Variants in EXOC7 observed in about 807,000 individuals in gnomAD.
The protein encoded by EXOC7 is exocyst complex component 7, also known as exocyst complex component Exo70.
Under a neutral mutation model 87.6 loss-of-function variants are expected in EXOC7, and 51 were observed. The observed-to-expected ratio is 0.58, with a 90% confidence interval of 0.46 to 0.73. The LOEUF is 0.73. EXOC7 is among the 30% of genes least tolerant of loss of function. The pLI is 0.00. For synonymous variants in EXOC7, 327 were observed against 357.1 expected (o/e 0.92, Z 0.95); for missense variants, 744 against 888.4 (o/e 0.84, Z 2.07).
rs776041658 is a variant in EXOC7, at chr17:76,081,877, C to T, written c.*1771G>A. The T allele has an allele frequency of 6.2e-7, 1 of 1,608,654 alleles. No individual in the cohort carries two copies. The highest frequency in any genetic ancestry group is 8.5e-7 in the Non-Finnish European group (1 of 1,176,314). On this transcript the variant is annotated 3_prime_UTR_variant, in exon 19 of 19. Coordinates refer to ENST00000589210, the MANE Select transcript of EXOC7 (RefSeq NM_001013839.4). ...GAGCATCTCCCTGTGCCCTGCCTCC[C>T]CCAGTTTACTACTTCACCATCCTGC...
chr17:76,101,019 TAA>T (rs2068033122), intron 4 of EXOC7: 2 of 531,654 alleles, frequency 3.8e-6, no homozygotes, highest in Non-Finnish European at 5.0e-6. Flanking sequence ...AATCAAATGT[TAA>T]GTTTATATTT....
rs1458869700 is a variant in EXOC7 at position 76,088,905 on chromosome 17, T to G, written c.1066A>C (p.Met356Leu). 6.2e-7 allele frequency: 1 copy of G among 1,613,084 alleles called. No individual in the cohort carries two copies. ...SLIQDALDGL[M>L]LEGENIVSAA... ...GACACGATGTTCTCCCCTTCAAGCATCAGCCCATCCAGGGCATCCTGAGGG... is the reference window on the plus strand; with the variant it reads ...GACACGATGTTCTCCCCTTCAAGCAGCAGCCCATCCAGGGCATCCTGAGGG... The change falls in exon 9 of 19, where the codon ATG becomes CTG. Residue 356 changes from methionine (M) to leucine (L), a missense_variant. Physicochemically the swap from Met to Leu is conservative, Grantham distance 15. Around this residue, in one of 3 missense-constraint regions of EXOC7, gnomAD observed 512 missense variants for 573.0 expected, o/e 0.89. Coordinates refer to ENST00000589210, the MANE Select transcript of EXOC7 (RefSeq NM_001013839.4).
In EXOC7 at chr17:76,103,740, G is replaced by A. The variant is rs1391390036; in HGVS notation, c.-48C>T. 2 of 1,544,574 alleles carry A rather than the reference G, an allele frequency of 1.3e-6. No homozygotes were observed. Among genetic ancestry groups the A allele is most frequent in the African/African-American group, 1.4e-5 (1 of 72,766 alleles). On this transcript the variant is annotated 5_prime_UTR_variant, in exon 1 of 19. Transcript: ENST00000589210. ...ACTCCCCAGTATCTTTCCTCCGCGGGCCCACCGGGCCCCCGTCCCCGTCAC... is the reference window on the plus strand; with the variant it reads ...ACTCCCCAGTATCTTTCCTCCGCGGACCCACCGGGCCCCCGTCCCCGTCAC...
rs2066950500 is a variant in EXOC7, at chr17:76,081,088, C to G, written c.*2560G>C. On this transcript the variant is annotated 3_prime_UTR_variant, in exon 19 of 19. Coordinates refer to ENST00000589210, the MANE Select transcript of EXOC7 (RefSeq NM_001013839.4). ...GAATCTGATAAAGGCCTTCCTTCAA[C>G]TGGAGACAATTTGGGATGTTGCAAA... 1.5e-6 allele frequency: 1 copy of G among 668,378 alleles called. No homozygotes were observed. 41.4% of individuals were successfully genotyped at this position (668,378 alleles called of 1,614,324 possible).
At chr17:76,084,650 C>A (rs1324361653) in intron 15 of EXOC7, 70 bp from the exon 16 acceptor site, 3 of 1,425,930 alleles carry the variant, frequency 2.1e-6, no homozygotes, top group Non-Finnish European at 2.0e-6. Flanking sequence ...GTTTCGTTTG[C>A]TAAATCTCTG....
intron 13 of EXOC7, 88 bp downstream of exon 13, chr17:76,085,992 G>A: frequency 6.5e-7 from 1 of 1,542,274 alleles, no homozygotes; most frequent in Non-Finnish European, 8.8e-7. Flanking sequence ...AGAGGGCCCT[G>A]GGAATAGCCA....
At chr17:76,101,458 T>A in intron 3 of EXOC7, 82 bp from the exon 4 acceptor site, 1 of 1,552,488 alleles carries the variant, frequency 6.4e-7, no homozygotes. Context: ...AAAAAGAAAA[T>A]TAATACAGGG....
At chr17:76,085,247 G>T in intron 15 of EXOC7, 67 bp downstream of exon 15, 2 of 1,283,870 alleles carry the variant, frequency 1.6e-6, no homozygotes, top group East Asian at 2.5e-5. Flanking sequence ...GTCCTGAGGT[G>T]CTGAGAAGGA....
At chr17:76,087,149 C>T (rs1017694377) in intron 12 of EXOC7, 40 of 467,994 alleles carry the variant, frequency 8.5e-5, no homozygotes, top group Non-Finnish European at 1.2e-4. Flanking sequence ...CAAAATGGGA[C>T]GGGAGGAGAG....
rs940514582 is a variant in EXOC7 at position 76,082,733 on chromosome 17, G to A, written c.*915C>T. The A allele has an allele frequency of 1.4e-6, 2 of 1,404,758 alleles. No individual in the cohort carries two copies. Among genetic ancestry groups the A allele is most frequent in the Non-Finnish European group, 1.9e-6 (2 of 1,054,858 alleles). 87.0% of individuals were successfully genotyped at this position (1,404,758 alleles called of 1,614,324 possible). A position where few individuals can be genotyped will look rare whatever the true frequency, so the allele number is the denominator to read the frequency against. ...GGGGCGGGCCATGACAGGGCCTCTG[G>A]ATTAAGCCACCCTGAGCTCTCCCTC... is the stretch of plus-strand genomic sequence containing the variant. On this transcript the variant is annotated 3_prime_UTR_variant, in exon 19 of 19. Coordinates refer to ENST00000589210, the MANE Select transcript of EXOC7 (RefSeq NM_001013839.4).
chr17:76,090,453 G>C, intron 7 of EXOC7: 1 of 1,551,688 alleles, frequency 6.4e-7, no homozygotes, highest in South Asian at 1.2e-5. Flanking sequence ...GGCCAGGCAG[G>C]CCGCCCCTTG....
chr17:76,083,440 GA>G lies in EXOC7; in HGVS notation c.*207del. 6.9e-6 allele frequency: 4 copies of G among 582,354 alleles called. No individual in the cohort carries two copies. Among genetic ancestry groups the G allele is most frequent in the African/African-American group, 3.7e-5 (2 of 53,528 alleles). 36.1% of individuals were successfully genotyped at this position (582,354 alleles called of 1,614,324 possible). On this transcript the variant is annotated 3_prime_UTR_variant, in exon 19 of 19. Transcript: ENST00000589210. The stretch of plus-strand genomic sequence containing the variant: ...GTGTGGAGGGACCCCAGGCTTCCGG[GA>G]GAGTGCTGGTTCGGCTGGGAACACG...
intron 5 of EXOC7, 23 bp downstream of exon 5, chr17:76,097,773 G>A (rs751384735): frequency 1.4e-6 from 2 of 1,404,124 alleles, no homozygotes. Context: ...GGTGTGTCAT[G>A]TGGCCAAGCC....
rs766414421 is a variant in EXOC7, at chr17:76,088,557, C to T, written c.1206G>A (p.Thr402=). The T allele has an allele frequency of 1.5e-5, 24 of 1,613,098 alleles. No individual in the cohort carries two copies. Among genetic ancestry groups the T allele is most frequent in the African/African-American group, 2.7e-5 (2 of 74,890 alleles). ...GCAGCTTGTTCTTTGTGCTGGCAGCCGTGCCCTGAGGAAGCACAGGGGAGC... is the reference window on the plus strand; with the variant it reads ...GCAGCTTGTTCTTTGTGCTGGCAGCTGTGCCCTGAGGAAGCACAGGGGAGC... ...KPEFDQVLQG[T]AASTKNKLPG... Residue 402 remains threonine, a synonymous_variant, in exon 10 of 19, where the codon ACG becomes ACA. Transcript: ENST00000589210.
intron 8 of EXOC7, 28 bp downstream of exon 8, chr17:76,089,147 C>G (rs1455805577): frequency 1.2e-6 from 2 of 1,610,830 alleles, no homozygotes; most frequent in African/African-American, 2.7e-5. Context: ...CTGGGGCTGG[C>G]TGCAGAGCCC....
chr17:76,081,661 A>G lies in EXOC7; in HGVS notation c.*1987T>C, dbSNP rs151256408. Reference sequence around the variant, plus strand: ...TGCCCCTCCGGGCCATTGAGCGCATAGGCTACAAGGTGACATTGCTGCTGA... The same window carrying G: ...TGCCCCTCCGGGCCATTGAGCGCATGGGCTACAAGGTGACATTGCTGCTGA... On this transcript the variant is annotated 3_prime_UTR_variant, in exon 19 of 19. Transcript: ENST00000589210. 4 of 1,614,138 alleles carry G rather than the reference A, an allele frequency of 2.5e-6. No individual in the cohort carries two copies. Among genetic ancestry groups the G allele is most frequent in the Non-Finnish European group, 3.4e-6 (4 of 1,180,028 alleles).
At chr17:76,087,764 G>GGCC (rs768964924) in intron 11 of EXOC7, 44 bp from the exon 12 acceptor site, 1 of 1,543,056 alleles carries the variant, frequency 6.5e-7, no homozygotes, top group South Asian at 1.2e-5. Context: ...TGGCAGGCCC[G>GGCC]GCCGACGGCC....
chr17:76,085,277 G>C (rs2067158990), intron 15 of EXOC7, 37 bp downstream of exon 15: 1 of 1,505,278 alleles, frequency 6.6e-7, no homozygotes, highest in Non-Finnish European at 9.1e-7. Flanking sequence ...GGTGGCACAG[G>C]GGCCCATGCA....
chr17:76,089,017 T>C, intron 8 of EXOC7, 94 bp from the exon 9 acceptor site: 2 of 1,464,264 alleles, frequency 1.4e-6, no homozygotes, highest in Non-Finnish European at 1.9e-6. Flanking sequence ...GGGGGGCCAG[T>C]GTGCAGGAAG....
Sources: allele counts gnomAD v4.1 joint callset, GRCh38; gene constraint gnomAD v4.1.1; regional missense constraint gnomAD v4.1.1; transcripts MANE v1.5; gene names NCBI Gene and HGNC (gene_info 2026-07-23, HGNC 2026-07-21).